CDK14: variants seen among roughly 807,000 people sequenced by gnomAD.
CDK14 encodes the protein cyclin-dependent kinase 14.
Under a neutral mutation model 60.7 loss-of-function variants are expected in CDK14, and 34 were observed. The ratio of observed to expected loss-of-function variants is 0.56; its 90% CI spans 0.43 to 0.75. The LOEUF is 0.75. Among genes scored for constraint, CDK14 ranks in the 30% least tolerant of loss-of-function variants. The pLI, the probability that CDK14 is intolerant of heterozygous loss-of-function variation, is 0.00. For missense variants in CDK14, 482 were observed against 564.1 expected (o/e 0.85, Z 1.47); for synonymous variants, 197 against 203.7 (o/e 0.97, Z 0.28).
At chr7:90,779,209 C>T (rs372790748) in intron 4 of CDK14, among the ~76,000 whole-genome samples, 13 of 152,078 alleles carry the variant, frequency 8.5e-5, no homozygotes, top group East Asian at 3.9e-4. Flanking sequence ...GCCGAGATTG[C>T]GCCATTGTAC....
chr7:90,899,262 AT>A, intron 6 of CDK14, 28 bp from the exon 7 acceptor site: 1 of 1,539,712 alleles, frequency 6.5e-7, no homozygotes, highest in Non-Finnish European at 8.9e-7. Context: ...CCAGAGGGTT[AT>A]TAATACATTT....
At chr7:91,089,618 T>G (rs942001255) in intron 12 of CDK14, among the ~76,000 whole-genome samples, 13 of 151,072 alleles carry the variant, frequency 8.6e-5, no homozygotes, top group Non-Finnish European at 1.5e-4. Flanking sequence ...AAATATGAGA[T>G]ACGCAGCTAT....
At chr7:91,026,020 G>A (rs1796560236) in intron 10 of CDK14, among the ~76,000 whole-genome samples, 1 of 150,428 alleles carries the variant, frequency 6.6e-6, no homozygotes, top group South Asian at 2.1e-4. Flanking sequence ...AGAGGACTAA[G>A]TTACCTTTTT....
At chr7:91,117,055 A>G (rs1047420070) in intron 13 of CDK14, among the ~76,000 whole-genome samples, 5 of 145,594 alleles carry the variant, frequency 3.4e-5, no homozygotes, top group African/African-American at 7.7e-5. Context: ...TGCATATCCA[A>G]CTGACACTCA....
intron 3 of CDK14, among the ~76,000 whole-genome samples, chr7:90,733,115 A>T (rs77320782): frequency 1.3e-5 from 2 of 151,984 alleles, no homozygotes; most frequent in East Asian, 1.9e-4. Flanking sequence ...GTCATTCGGG[A>T]GCAGGTTGTT....
At chr7:90,661,881 GTC>G (rs10603800) in intron 2 of CDK14, among the ~76,000 whole-genome samples, 91,952 of 151,772 alleles carry the variant, frequency 0.61, 28,175 homozygotes, top group East Asian at 0.77. Context: ...TGTAGCAAGG[GTC>G]TCTGGAGCAA....
intron 10 of CDK14, among the ~76,000 whole-genome samples, chr7:90,992,429 CTAAA>C (rs1251003065): frequency 6.6e-6 from 1 of 152,118 alleles, no homozygotes; most frequent in Non-Finnish European, 1.5e-5. Flanking sequence ...TTACTCTGGG[CTAAA>C]TAATCTTTTC....
At chr7:90,834,957 C>T (rs544259303) in intron 5 of CDK14, among the ~76,000 whole-genome samples, 1 of 151,968 alleles carries the variant, frequency 6.6e-6, no homozygotes, top group Non-Finnish European at 1.5e-5. Context: ...TCTTTAAAAC[C>T]ACAGAAATAG....
intron 2 of CDK14, among the ~76,000 whole-genome samples, chr7:90,619,337 G>T (rs1799719386): frequency 6.6e-6 from 1 of 152,156 alleles, no homozygotes; most frequent in South Asian, 2.1e-4. Context: ...ATATGTAGGG[G>T]TTTAAGGAAA....
At chr7:90,811,059 T>G (rs1789081477) in intron 5 of CDK14, among the ~76,000 whole-genome samples, 1 of 152,194 alleles carries the variant, frequency 6.6e-6, no homozygotes, top group Admixed American at 6.5e-5. Flanking sequence ...ATTTATAGAT[T>G]CAGTGCCATC....
At chr7:90,992,591 T>G (rs918895317) in intron 10 of CDK14, among the ~76,000 whole-genome samples, 3 of 152,212 alleles carry the variant, frequency 2.0e-5, no homozygotes, top group Non-Finnish European at 2.9e-5. Flanking sequence ...CATACCATGT[T>G]CTGGGGAGTT....
intron 4 of CDK14, among the ~76,000 whole-genome samples, chr7:90,748,613 C>T (rs531281198): frequency 6.6e-6 from 1 of 152,180 alleles, no homozygotes; most frequent in Non-Finnish European, 1.5e-5. Flanking sequence ...GACAGCATTT[C>T]GCCCTGTTGC....
intron 4 of CDK14, among the ~76,000 whole-genome samples, chr7:90,770,765 T>G (rs931449228): frequency 6.6e-6 from 1 of 152,228 alleles, no homozygotes; most frequent in African/African-American, 2.4e-5. Context: ...TGTCTCCTTT[T>G]GACATGCCTA....
chr7:90,604,082 T>C, intron 1 of CDK14, 136 bp from the exon 2 acceptor site: 1 of 596,418 alleles, frequency 1.7e-6, no homozygotes, highest in Non-Finnish European at 2.9e-6. Context: ...ATCATAACAT[T>C]GTTATTCAGG....
chr7:90,653,629 C>T (rs1290116409), intron 2 of CDK14, among the ~76,000 whole-genome samples: 1 of 151,958 alleles, frequency 6.6e-6, no homozygotes, highest in Non-Finnish European at 1.5e-5. Flanking sequence ...TTATGGATTT[C>T]CTGCTGAGGC....
intron 7 of CDK14, among the ~76,000 whole-genome samples, chr7:90,899,807 T>C (rs1050851907): frequency 1.3e-5 from 2 of 152,156 alleles, no homozygotes; most frequent in African/African-American, 2.4e-5. Context: ...CTACTCTTTT[T>C]CCTTTCTTTT....
intron 7 of CDK14, among the ~76,000 whole-genome samples, chr7:90,914,577 G>C (rs777361624): frequency 2.0e-5 from 3 of 151,996 alleles, no homozygotes; most frequent in Non-Finnish European, 4.4e-5. Context: ...ATTTGTTTGG[G>C]GCTGTATTTG....
At chr7:90,756,894 G>A (rs534485774) in intron 4 of CDK14, among the ~76,000 whole-genome samples, 14 of 152,296 alleles carry the variant, frequency 9.2e-5, no homozygotes, top group Admixed American at 3.3e-4. Flanking sequence ...CAGTTTGTGA[G>A]CATTTTACAC....
intron 10 of CDK14, among the ~76,000 whole-genome samples, chr7:91,030,833 TC>T (rs1337968106): frequency 1.3e-5 from 2 of 152,228 alleles, no homozygotes; most frequent in Non-Finnish European, 2.9e-5. Flanking sequence ...TCCCAGTATC[TC>T]CCTGGGCCTA....
Sources: gnomAD v4.1 joint callset for allele counts (sites outside exome capture counted in the v4.1 genomes callset) on GRCh38, gnomAD v4.1.1 for gene constraint, MANE v1.5 for transcripts, NCBI Gene and HGNC (gene_info 2026-07-23, HGNC 2026-07-21) for gene names.